The following CLNK variants were observed in gnomAD, a reference collection of about 807,000 sequenced individuals.
CLNK encodes the protein cytokine-dependent hematopoietic cell linker.
A neutral mutation model predicts 68.6 loss-of-function variants in CLNK; 74 were observed. The observed-to-expected ratio is 1.08, with a 90% CI of 0.89 to 1.31. CLNK has a LOEUF of 1.31. Ranked by LOEUF, CLNK falls within the 50% of genes most tolerant of loss-of-function variation. The pLI, the probability that CLNK is intolerant of heterozygous loss-of-function variation, is 0.00. For synonymous variants in CLNK, 198 were observed against 172.2 expected (o/e 1.15, Z -1.17); for missense variants, 553 against 515.3 (o/e 1.07, Z -0.71).
At chr4:10,573,586 C>T (rs755634000) in intron 4 of CLNK, among the ~76,000 whole-genome samples, 9 of 152,108 alleles carry the variant, frequency 5.9e-5, no homozygotes, top group South Asian at 2.1e-4. Context: ...CCAGCTGGCC[C>T]GGAAGGAGCA....
chr4:10,652,003 G>T (rs1453662096), intron 2 of CLNK, among the ~76,000 whole-genome samples: 1 of 151,832 alleles, frequency 6.6e-6, no homozygotes, highest in Non-Finnish European at 1.5e-5. Flanking sequence ...ACAAAAAGGG[G>T]GGTCAAATAG....
intron 1 of CLNK, among the ~76,000 whole-genome samples, chr4:10,670,779 A>T (rs1724596980): frequency 6.6e-6 from 1 of 152,188 alleles, no homozygotes; most frequent in East Asian, 1.9e-4. Flanking sequence ...ATGTCATTAC[A>T]TTTCTTATAT....
chr4:10,580,867 C>T (rs547431128), intron 4 of CLNK, among the ~76,000 whole-genome samples: 2 of 151,998 alleles, frequency 1.3e-5, no homozygotes, highest in African/African-American at 4.8e-5. Context: ...TTTATCAGTT[C>T]GATGTAGCCT....
chr4:10,517,628 GA>G (rs1717887295), intron 15 of CLNK, among the ~76,000 whole-genome samples: 1 of 152,140 alleles, frequency 6.6e-6, no homozygotes, highest in Non-Finnish European at 1.5e-5. Context: ...CTCAAGAAGG[GA>G]AAATAACCAT....
intron 2 of CLNK, among the ~76,000 whole-genome samples, chr4:10,643,487 T>C (rs562537322): frequency 3.3e-5 from 5 of 152,258 alleles, no homozygotes; most frequent in East Asian, 1.9e-4. Context: ...TTCTTTTGCC[T>C]GCTGCTTCTA....
chr4:10,712,262 C>T, the CLNK span, among the ~76,000 whole-genome samples: 2 of 152,084 alleles, frequency 1.3e-5, no homozygotes, highest in Non-Finnish European at 2.9e-5. Flanking sequence ...TCAGCAGGAC[C>T]ACTTAGAGAA....
chr4:10,531,015 A>G (rs1718514333), intron 12 of CLNK, among the ~76,000 whole-genome samples: 1 of 152,228 alleles, frequency 6.6e-6, no homozygotes, highest in African/African-American at 2.4e-5. Context: ...GTCTCGTTTG[A>G]GTGACAAGCT....
Position 10,664,315 on chromosome 4 carries a change from C to T in CLNK, c.11+3544G>A, listed in dbSNP as rs557180542. Among the ~76,000 whole-genome samples the T allele has an allele frequency of 1.9e-4, 29 of 152,196 alleles. No homozygotes were observed. In the South Asian group the frequency reaches 5.6e-3, roughly 29 times the overall value. On this transcript the variant is annotated intron_variant, in intron 2 of 18. Transcript: ENST00000226951. ...GAAATTGTTTTTGTTTAAAGCCTCCCTGATGATTCTAACGCTCCTTCAGGT... is the reference window on the plus strand; with the variant it reads ...GAAATTGTTTTTGTTTAAAGCCTCCTTGATGATTCTAACGCTCCTTCAGGT...
chr4:10,710,040 C>T, the CLNK span, among the ~76,000 whole-genome samples: 3 of 152,186 alleles, frequency 2.0e-5, no homozygotes, highest in Admixed American at 2.0e-4. Context: ...GTTTGTTAGG[C>T]AGCATTATTG....
At chr4:10,552,542 C>A (rs1281528362) in intron 8 of CLNK, among the ~76,000 whole-genome samples, 2 of 152,098 alleles carry the variant, frequency 1.3e-5, no homozygotes, top group Non-Finnish European at 2.9e-5. Context: ...ATGCCTCCAC[C>A]TTAGTGCCAA....
chr4:10,713,824 C>T, the CLNK span, among the ~76,000 whole-genome samples: 4 of 152,196 alleles, frequency 2.6e-5, no homozygotes, highest in Non-Finnish European at 4.4e-5. Context: ...CACCATGCTT[C>T]TTAAATAGCC....
Position 10,528,063 on chromosome 4 carries a change from G to A in CLNK, c.649+13C>T. 1 of 1,339,296 alleles carries A rather than the reference G, an allele frequency of 7.5e-7. No homozygotes were observed. The highest frequency in any genetic ancestry group is 9.8e-7 in the Non-Finnish European group (1 of 1,017,584). 83.0% of individuals were successfully genotyped at this position (1,339,296 alleles called of 1,614,324 possible). A position where few individuals can be genotyped will look rare whatever the true frequency, so the allele number is the denominator to read the frequency against. On this transcript the variant is annotated intron_variant, in intron 13 of 18. Transcript: ENST00000226951. ...TTAGTATTAGGGTAAGAAAACAAAT[G>A]TAAACAATTCACCTTTTTCTGCTTC... is the stretch of plus-strand genomic sequence containing the variant.
upstream of CLNK, among the ~76,000 whole-genome samples, chr4:10,689,148 T>C (rs1288811823): frequency 6.6e-6 from 1 of 151,930 alleles, no homozygotes; most frequent in Non-Finnish European, 1.5e-5. Flanking sequence ...TTTTTTTTTT[T>C]CGGGGGCGAC....
intron 1 of CLNK, among the ~76,000 whole-genome samples, chr4:10,669,119 T>C (rs1190701934): frequency 6.6e-6 from 1 of 152,200 alleles, no homozygotes; most frequent in Non-Finnish European, 1.5e-5. Context: ...TTTAGTATAT[T>C]CTGCCATTCA....
At chr4:10,702,764 C>G in the CLNK span, among the ~76,000 whole-genome samples, 187 of 152,256 alleles carry the variant, frequency 1.2e-3, no homozygotes, top group African/African-American at 4.1e-3. Flanking sequence ...AAATGAATTA[C>G]CATTTATGAA....
At chr4:10,689,745 A>ATTCTTTTTTTTTTTT (rs1725395782), upstream of CLNK, among the ~76,000 whole-genome samples, 1 of 100,094 alleles carries the variant, frequency 1.0e-5, no homozygotes, top group Non-Finnish European at 2.0e-5. Flanking sequence ...AAACCCATGC[A>ATTCTTTTTTTTTTTT]TTTTTTTTTT....
intron 2 of CLNK, among the ~76,000 whole-genome samples, chr4:10,605,746 T>G (rs1030320854): frequency 2.2e-5 from 3 of 137,468 alleles, no homozygotes; most frequent in African/African-American, 8.0e-5. Context: ...GAGAATCGCT[T>G]GAAGCCAGGA....
intron 2 of CLNK, among the ~76,000 whole-genome samples, chr4:10,617,768 C>T (rs766415336): frequency 5.3e-5 from 8 of 152,212 alleles, no homozygotes; most frequent in Non-Finnish European, 1.0e-4. Context: ...ACTTCTTTGG[C>T]AGGCTCATTT....
At chr4:10,683,730 G>T (rs1004559436) in intron 1 of CLNK, among the ~76,000 whole-genome samples, 1 of 152,098 alleles carries the variant, frequency 6.6e-6, no homozygotes, top group African/African-American at 2.4e-5. Flanking sequence ...TCATTTCTCT[G>T]GTAGGCCTTC....
Sources: gnomAD v4.1 joint callset for allele counts (sites outside exome capture counted in the v4.1 genomes callset) on GRCh38, gnomAD v4.1.1 for gene constraint, MANE v1.5 for transcripts, NCBI Gene and HGNC (gene_info 2026-07-23, HGNC 2026-07-21) for gene names.